WWTR1: variants seen among roughly 807,000 people sequenced by gnomAD.
WWTR1 encodes WW domain-containing transcription regulator protein 1.
A neutral mutation model predicts 40.1 loss-of-function variants in WWTR1; 13 were observed. That is an observed-to-expected ratio of 0.32 (90% CI 0.21 to 0.52). WWTR1 has a LOEUF of 0.52. Ranked by LOEUF, WWTR1 falls within the 20% of genes least tolerant of loss-of-function variation. The pLI is 0.97. For missense variants in WWTR1, 436 were observed against 523.1 expected (o/e 0.83, Z 1.63); for synonymous variants, 230 against 210.1 (o/e 1.09, Z -0.82).
At chr3:149,636,965 T>TG (rs1259120289) in intron 2 of WWTR1, among the ~76,000 whole-genome samples, 2 of 27,998 alleles carry the variant, frequency 7.1e-5, no homozygotes, top group Non-Finnish European at 1.5e-4. Context: ...CTGTCTCAAG[T>TG]GAAAAAAAAA....
rs538519568 is a variant in WWTR1 at position 149,561,978 on chromosome 3, C to A, written c.568+10886G>T. Among the ~76,000 whole-genome samples the A allele has an allele frequency of 2.6e-5, 4 of 151,962 alleles. No individual in the cohort carries two copies. In the East Asian group the frequency reaches 5.8e-4, roughly 22 times the overall value. Reference sequence around the variant, plus strand: ...GCGTGTGTTACTTTTCTAATTAAAACAACTCATCAAAAAATATTATAGAAA... The same window carrying A: ...GCGTGTGTTACTTTTCTAATTAAAAAAACTCATCAAAAAATATTATAGAAA... On this transcript the variant is annotated intron_variant, in intron 3 of 6. Coordinates refer to ENST00000360632, the MANE Select transcript of WWTR1 (RefSeq NM_015472.6).
intron 2 of WWTR1, among the ~76,000 whole-genome samples, chr3:149,624,699 C>A (rs1740464456): frequency 1.3e-5 from 2 of 152,074 alleles, no homozygotes; most frequent in South Asian, 4.2e-4. Context: ...AAATCATAAT[C>A]ATTTTTAACC....
chr3:149,551,870 C>T (rs1420485899), intron 3 of WWTR1, among the ~76,000 whole-genome samples: 1 of 145,906 alleles, frequency 6.9e-6, no homozygotes, highest in Non-Finnish European at 1.5e-5. Context: ...TCCAGATTAG[C>T]TGTCAGTGTG....
chr3:149,650,729 C>T (rs994471557), intron 2 of WWTR1, among the ~76,000 whole-genome samples: 3 of 152,226 alleles, frequency 2.0e-5, no homozygotes, highest in African/African-American at 7.2e-5. Flanking sequence ...AAACTAGACA[C>T]TTCTCAGATG....
At chr3:149,598,066 T>C (rs988197631) in intron 2 of WWTR1, among the ~76,000 whole-genome samples, 3 of 152,136 alleles carry the variant, frequency 2.0e-5, no homozygotes, top group African/African-American at 7.2e-5. Context: ...AGGTGAACAG[T>C]GAAGGTCCCT....
intron 1 of WWTR1, among the ~76,000 whole-genome samples, chr3:149,677,739 C>G (rs1389968043): frequency 6.6e-6 from 1 of 151,198 alleles, no homozygotes; most frequent in East Asian, 2.0e-4. Context: ...ACTCGGGAGG[C>G]TGAGGCAGGA....
At chr3:149,711,278 C>T (rs969653007) in intron 5 of WWTR1, among the ~76,000 whole-genome samples, 16 of 151,696 alleles carry the variant, frequency 1.1e-4, no homozygotes, top group South Asian at 2.1e-4. Flanking sequence ...CTCACCACAG[C>T]GAGATCTTGT....
At chr3:149,658,209 A>C (rs1713383304), upstream of WWTR1, 1 of 152,336 alleles carries the variant, frequency 6.6e-6, no homozygotes, top group African/African-American at 2.4e-5. Context: ...TGGGTACTTT[A>C]CTGGGTAAGA....
rs1714770341 is a variant in WWTR1 at position 149,690,114 on chromosome 3, A to T, written c.-108+13010T>A. 2.6e-5 allele frequency among the ~76,000 whole-genome samples: 4 copies of T among 152,184 alleles called. No individual in the cohort carries two copies. The South Asian group carries it at 8.3e-4, about 31-fold the overall frequency. On this transcript the variant is annotated intron_variant, in intron 1 of 7. Transcript: ENST00000465804. ...GCAAGCCTCATGGTAACCTTGAATT[A>T]AAAAACCCACAACAGATATGCAAAA...
intron 3 of WWTR1, among the ~76,000 whole-genome samples, chr3:149,572,144 C>G (rs1169639772): frequency 6.6e-6 from 1 of 152,186 alleles, no homozygotes; most frequent in Non-Finnish European, 1.5e-5. Flanking sequence ...TCCAGCTCTG[C>G]TCTCCACAAG....
At chr3:149,540,081 C>CACAG (rs1043030053) in intron 4 of WWTR1, 6 of 24,122 alleles carry the variant, frequency 2.5e-4, no homozygotes, top group Non-Finnish European at 4.6e-4. Context: ...CTCCTAACTA[C>CACAG]ACACACACAC....
At chr3:149,608,038 A>G (rs182123648) in intron 2 of WWTR1, among the ~76,000 whole-genome samples, 107 of 152,360 alleles carry the variant, frequency 7.0e-4, no homozygotes, top group Middle Eastern at 3.4e-3. Flanking sequence ...GTAGGTACTC[A>G]AGAACTATTT....
intron 4 of WWTR1, among the ~76,000 whole-genome samples, chr3:149,722,967 A>C (rs1336588735): frequency 6.6e-6 from 1 of 151,878 alleles, no homozygotes; most frequent in Non-Finnish European, 1.5e-5. Flanking sequence ...CATCTTTAAG[A>C]CAGTTGTTTG....
chr3:149,652,695 C>A (rs1336330346), intron 2 of WWTR1, among the ~76,000 whole-genome samples: 1 of 56,190 alleles, frequency 1.8e-5, no homozygotes, highest in Admixed American at 1.6e-4. Flanking sequence ...GGTGACCTAA[C>A]AGACAAATTT....
chr3:149,685,168 G>A (rs939897073), intron 1 of WWTR1, among the ~76,000 whole-genome samples: 6 of 152,120 alleles, frequency 3.9e-5, no homozygotes, highest in African/African-American at 1.4e-4. Flanking sequence ...TAATTTAGCT[G>A]TTCAACCAGA....
chr3:149,573,948 A>G (rs1737763923), intron 2 of WWTR1, among the ~76,000 whole-genome samples: 1 of 151,724 alleles, frequency 6.6e-6, no homozygotes, highest in Admixed American at 6.6e-5. Context: ...TGTGATATAT[A>G]TATATATATG....
chr3:149,706,623 C>A (rs34127273), upstream of WWTR1, among the ~76,000 whole-genome samples: 6 of 152,094 alleles, frequency 3.9e-5, no homozygotes, highest in Non-Finnish European at 8.8e-5. Context: ...CTGGCCAACA[C>A]TGACTTCTTA....
At chr3:149,547,483 G>C (rs372676017) in intron 3 of WWTR1, among the ~76,000 whole-genome samples, 1 of 151,952 alleles carries the variant, frequency 6.6e-6, no homozygotes, top group African/African-American at 2.4e-5. Flanking sequence ...CCGAGATCAC[G>C]CCATTGCACT....
chr3:149,652,037 G>T (rs561670684), intron 2 of WWTR1, among the ~76,000 whole-genome samples: 11 of 137,046 alleles, frequency 8.0e-5, no homozygotes, highest in African/African-American at 2.4e-4. Flanking sequence ...TAGAGACGGG[G>T]TTTCACGGTG....
Sources: allele counts gnomAD v4.1 joint callset (sites outside exome capture counted in the v4.1 genomes callset), GRCh38; gene constraint gnomAD v4.1.1; transcripts MANE v1.5; gene names NCBI Gene and HGNC (gene_info 2026-07-23, HGNC 2026-07-21).